Variants in PCDHGA12 observed in about 807,000 individuals in gnomAD.
PCDHGA12 encodes the protein protocadherin gamma subfamily A, 12, also known as protocadherin gamma-A12.
In PCDHGA12, 43 loss-of-function variants were observed where a neutral mutation model predicts 61.1. The ratio of observed to expected loss-of-function variants is 0.70; its 90% CI spans 0.55 to 0.91. The LOEUF (loss-of-function observed/expected upper bound fraction) is 0.91. PCDHGA12 is among the 40% of genes least tolerant of loss of function. The pLI is 0.00. For synonymous variants in PCDHGA12, 520 were observed against 542.9 expected, an observed-to-expected ratio of 0.96 and a Z score of 0.59; for missense variants, 1,236 against 1,227.7, an observed-to-expected ratio of 1.01 and a Z score of -0.10.
chr5:141,478,941 A>G (rs889484528), intron 1 of PCDHGA12: 2 of 589,470 alleles, frequency 3.4e-6, no homozygotes, highest in Non-Finnish European at 5.6e-6. Context: ...TTCTAGGAAT[A>G]CAAAAACTAC....
chr5:141,478,657 G>A, intron 1 of PCDHGA12: 2 of 1,551,912 alleles, frequency 1.3e-6, no homozygotes, highest in Non-Finnish European at 1.7e-6. Flanking sequence ...TCCTGGTGAT[G>A]CATTCACACT....
chr5:141,432,584 C>T lies in PCDHGA12; in HGVS notation c.1825C>T (p.Leu609Phe), dbSNP rs762935149. The T allele has an allele frequency of 2.3e-5, 37 of 1,613,854 alleles. No individual in the cohort carries two copies. The highest frequency in any genetic ancestry group is 3.3e-4 in the Middle Eastern group (2 of 6,018). Residue 609 changes from leucine (L) to phenylalanine (F), a missense_variant, in exon 1 of 4, where the codon CTC (leucine) becomes TTC (phenylalanine). Physicochemically the swap from Leu to Phe is conservative, Grantham distance 22 (BLOSUM62 0). Coordinates refer to ENST00000252085, the MANE Select transcript of PCDHGA12 (RefSeq NM_003735.3). The surrounding 1 kb of genome is among the most constrained non-coding windows in gnomAD (Gnocchi z 6.0). ...GAACGCCTGGCTGTCCTACCGTCTG[C>T]TCAAGGCCAGCGAGCCGGGACTCTT... ...GQNAWLSYRL[L>F]KASEPGLFSV... is the part of the protein sequence containing the mutation.
At chr5:141,464,978 GT>G in intron 1 of PCDHGA12, among the ~76,000 whole-genome samples, 1 of 152,148 alleles carries the variant, frequency 6.6e-6, no homozygotes, top group East Asian at 1.9e-4. Context: ...CTGGCTTCAA[GT>G]GATCCTCCCA....
chr5:141,444,525 C>T (rs2098439670), intron 1 of PCDHGA12, among the ~76,000 whole-genome samples: 1 of 152,062 alleles, frequency 6.6e-6, no homozygotes, highest in African/African-American at 2.4e-5. Context: ...GTAGGTGAGA[C>T]AGTGACTGTG....
intron 1 of PCDHGA12, among the ~76,000 whole-genome samples, chr5:141,444,862 A>G (rs781224880): frequency 1.8e-4 from 28 of 152,198 alleles, no homozygotes; most frequent in Non-Finnish European, 2.9e-4. Flanking sequence ...AAGTCTTACT[A>G]CAGGACAAAG....
At position 141,431,391 on chromosome 5, in the gene PCDHGA12, T is replaced by C; in HGVS notation, c.632T>C (p.Val211Ala). Reference protein sequence around the residue: ...DREEKAAHHLVLTASDGGDPV... With the variant: ...DREEKAAHHLALTASDGGDPV... Reference sequence around the variant, plus strand: ...GAAGAAAAGGCTGCTCACCACCTGGTCCTTACGGCCTCCGACGGGGGCGAC... The same window carrying C: ...GAAGAAAAGGCTGCTCACCACCTGGCCCTTACGGCCTCCGACGGGGGCGAC... Residue 211 changes from valine to alanine, a missense_variant, in exon 1 of 4, where the codon GTC (valine) becomes GCC (alanine). Physicochemically the swap from Val to Ala is moderately conservative, Grantham distance 64. Transcript: ENST00000252085. The surrounding 1 kb of genome is among the most constrained non-coding windows in gnomAD (Gnocchi z 4.8). 1 of 1,613,852 alleles carries C rather than the reference T, an allele frequency of 6.2e-7. No homozygotes were observed.
At chr5:141,501,318 C>T (rs1273608837) in intron 2 of PCDHGA12, among the ~76,000 whole-genome samples, 1 of 151,766 alleles carries the variant, frequency 6.6e-6, no homozygotes, top group African/African-American at 2.4e-5. Flanking sequence ...CACACACACA[C>T]ACACACACAC....
rs769514553 is a variant in PCDHGA12, at chr5:141,490,072, G to T, written c.2425-4735G>T. On this transcript the variant is annotated intron_variant, in intron 1 of 3. Transcript: ENST00000252085. The surrounding 1 kb of genome is among the most constrained non-coding windows in gnomAD (Gnocchi z 5.4). Reference sequence around the variant, plus strand: ...AGACGAGGGCACCAACGGCCAACTAGACTATTCTTTTGGAGACCACACATC... The same window carrying T: ...AGACGAGGGCACCAACGGCCAACTATACTATTCTTTTGGAGACCACACATC... 2 of 1,614,254 alleles carry T rather than the reference G, an allele frequency of 1.2e-6. No homozygotes were observed. Among genetic ancestry groups the T allele is most frequent in the South Asian group, 2.2e-5 (2 of 91,090 alleles).
In PCDHGA12 at chr5:141,476,718, C is replaced by T; in HGVS notation, c.2425-18089C>T. On this transcript the variant is annotated intron_variant, in intron 1 of 3. Transcript: ENST00000252085. The surrounding 1 kb of genome is among the most constrained non-coding windows in gnomAD (Gnocchi z 7.6). ...TACGCGGAGCTGGTGTTGGAGCGCG[C>T]CCTGGACCGAGAACGGGAGCCTAGT... The T allele has an allele frequency of 1.2e-6, 2 of 1,614,144 alleles. No individual in the cohort carries two copies. The highest frequency in any genetic ancestry group is 2.2e-5 in the East Asian group (1 of 44,874).
intron 1 of PCDHGA12, among the ~76,000 whole-genome samples, chr5:141,444,942 A>C (rs1272061494): frequency 6.6e-6 from 1 of 152,082 alleles, no homozygotes; most frequent in Non-Finnish European, 1.5e-5. Flanking sequence ...AGGAGGGAGG[A>C]GGATCATCTT....
chr5:141,447,852 G>A (rs375081279), intron 1 of PCDHGA12, among the ~76,000 whole-genome samples: 2 of 152,144 alleles, frequency 1.3e-5, no homozygotes, highest in East Asian at 3.9e-4. Context: ...TTGGGAGGCC[G>A]AGGTGGGTGA....
Position 141,431,663 on chromosome 5 carries a change from T to G in PCDHGA12, c.904T>G (p.Ser302Ala), listed in dbSNP as rs2097405149. ...ACTAGATTGTAATTCAGGGACAATA[T>G]CAACAATAGGGGAGTTGGACCACGA... ...FKLDCNSGTI[S>A]TIGELDHEES... The change falls in exon 1 of 4, where the codon TCA becomes GCA. Residue 302 changes from serine (S) to alanine (A), a missense_variant. By Grantham distance (99) the Ser-to-Ala change is moderately conservative. Coordinates refer to ENST00000252085, the MANE Select transcript of PCDHGA12 (RefSeq NM_003735.3). The surrounding 1 kb of genome is among the most constrained non-coding windows in gnomAD (Gnocchi z 4.8). The G allele has an allele frequency of 6.2e-7, 1 of 1,614,168 alleles. No individual in the cohort carries two copies.
chr5:141,435,760 T>C (rs1241767830), intron 1 of PCDHGA12, among the ~76,000 whole-genome samples: 1 of 152,172 alleles, frequency 6.6e-6, no homozygotes, highest in Non-Finnish European at 1.5e-5. Context: ...TTGATTTCTT[T>C]TGGTGAATTC....
At position 141,431,914 on chromosome 5, in the gene PCDHGA12, C is replaced by A. The variant is rs745837291; in HGVS notation, c.1155C>A (p.Phe385Leu). 6.2e-7 allele frequency: 1 copy of A among 1,613,912 alleles called. No individual in the cohort carries two copies. Among genetic ancestry groups the A allele is most frequent in the African/African-American group, 1.3e-5 (1 of 75,070 alleles). Residue 385 changes from phenylalanine (F) to leucine (L), a missense_variant, in exon 1 of 4, where the codon TTC becomes TTA. By Grantham distance (22) the Phe-to-Leu change is conservative. Transcript: ENST00000252085. The surrounding 1 kb of genome is among the most constrained non-coding windows in gnomAD (Gnocchi z 4.8). ...AGGAAAACGGACAGGTGATCTGTTT[C>A]ATCCAAGGAAATCTGCCCTTTAAAT... ...DSEENGQVIC[F>L]IQGNLPFKLE...
chr5:141,501,509 C>T lies in PCDHGA12; in HGVS notation c.2484-3884C>T, dbSNP rs1046763108. 4.6e-5 allele frequency among the ~76,000 whole-genome samples: 7 copies of T among 152,080 alleles called. No individual in the cohort carries two copies. The South Asian group carries it at 6.2e-4, about 14-fold the overall frequency. On this transcript the variant is annotated intron_variant, in intron 2 of 3. Transcript: ENST00000252085. The stretch of plus-strand genomic sequence containing the variant: ...ATATCTGCTGCTGGGGCTCCAAGGC[C>T]TCCAAGCTGAAGCCCAGTACGTTGT...
At chr5:141,496,782 C>T (rs552953558) in intron 2 of PCDHGA12, among the ~76,000 whole-genome samples, 16 of 152,136 alleles carry the variant, frequency 1.1e-4, no homozygotes, top group South Asian at 2.1e-4. Context: ...TGAGCAGGGC[C>T]CTGTGCTAAA....
At chr5:141,433,208 CTT>C (rs745329085) in intron 1 of PCDHGA12, 25 bp downstream of exon 1, 289 of 1,287,502 alleles carry the variant, frequency 2.2e-4, no homozygotes, top group South Asian at 2.8e-4. Context: ...AATCTTCTTT[CTT>C]TTTTTTTTTT....
intron 1 of PCDHGA12, among the ~76,000 whole-genome samples, chr5:141,439,599 G>A (rs1319524199): frequency 6.6e-6 from 1 of 152,146 alleles, no homozygotes; most frequent in Non-Finnish European, 1.5e-5. Flanking sequence ...TGGCCAGTCT[G>A]GAAACAGAGA....
At chr5:141,465,887 C>A (rs1267304672) in intron 1 of PCDHGA12, among the ~76,000 whole-genome samples, 1 of 152,040 alleles carries the variant, frequency 6.6e-6, no homozygotes, top group Non-Finnish European at 1.5e-5. Flanking sequence ...CTTTGGGAGG[C>A]CGAGGCGGGC....
Sources: allele counts gnomAD v4.1 joint callset (sites outside exome capture counted in the v4.1 genomes callset), GRCh38; gene constraint gnomAD v4.1.1; non-coding constraint Gnocchi (gnomAD v3.1); transcripts MANE v1.5; gene names NCBI Gene and HGNC (gene_info 2026-07-23, HGNC 2026-07-21).